JAK1: variants seen among roughly 807,000 people sequenced by gnomAD.
The protein encoded by JAK1 is Janus kinase 1, also known as tyrosine-protein kinase JAK1.
In JAK1, 16 loss-of-function variants were observed where a neutral mutation model predicts 136.6. The observed-to-expected ratio is 0.12, with a 90% CI of 0.08 to 0.18. The LOEUF is 0.18. Among genes scored for constraint, JAK1 ranks in the 10% least tolerant of loss-of-function variants. JAK1 has a pLI of 1.00. For missense variants in JAK1, 859 were observed against 1,450.1 expected (o/e 0.59, Z 6.62); for synonymous variants, 492 against 519.5 (o/e 0.95, Z 0.72).
At chr1:64,837,163 C>T (rs540884589) in intron 22 of JAK1, among the ~76,000 whole-genome samples, 5 of 152,316 alleles carry the variant, frequency 3.3e-5, no homozygotes, top group South Asian at 2.1e-4. Flanking sequence ...TGCTCCATGC[C>T]GTTGGCTGCC....
intron 2 of JAK1, among the ~76,000 whole-genome samples, chr1:65,029,369 G>C (rs577671982): frequency 6.6e-6 from 1 of 152,182 alleles, no homozygotes; most frequent in East Asian, 1.9e-4. Flanking sequence ...CAAAGTGCTG[G>C]GATTACAGGC....
intron 1 of JAK1, among the ~76,000 whole-genome samples, chr1:64,933,010 G>A (rs1463666427): frequency 6.6e-6 from 1 of 152,046 alleles, no homozygotes; most frequent in Non-Finnish European, 1.5e-5. Context: ...CAGAACCTCC[G>A]AGAAATCTCA....
At chr1:64,865,818 G>A (rs1426622341) in intron 7 of JAK1, among the ~76,000 whole-genome samples, 4 of 152,088 alleles carry the variant, frequency 2.6e-5, no homozygotes, top group African/African-American at 9.7e-5. Context: ...GGAGCACAGT[G>A]GCAAGGTCAT....
chr1:64,855,699 C>T lies in JAK1; in HGVS notation c.1459-1G>A. 2 of 1,610,928 alleles carry T rather than the reference C, an allele frequency of 1.2e-6. No individual in the cohort carries two copies. Among genetic ancestry groups the T allele is most frequent in the Non-Finnish European group, 1.7e-6 (2 of 1,177,582 alleles). On this transcript the variant is annotated splice_acceptor_variant, in intron 10 of 24. Coordinates refer to ENST00000342505, the MANE Select transcript of JAK1 (RefSeq NM_002227.4). LOFTEE classifies it high-confidence loss of function. ...ACTGCTTCTGGGCACCCTGCACCTG[C>T]TATTCGGGAAATGACCAGAAATTAC...
In JAK1 at chr1:64,932,494, T is replaced by C. The variant is rs113300831; in HGVS notation, c.-78+33839A>G. ...CCAAAGGTAATCTAGCTAATAAGTG[T>C]CGAGGTTGGGTTCAAACCTAACTCA... On this transcript the variant is annotated intron_variant, in intron 1 of 24. Coordinates refer to ENST00000342505, the MANE Select transcript of JAK1 (RefSeq NM_002227.4). Among the ~76,000 whole-genome samples, 15 of 152,306 alleles carry C rather than the reference T, an allele frequency of 9.8e-5. 1 individual carries two copies. The highest frequency in any genetic ancestry group is 3.4e-4 in the African/African-American group (14 of 41,568).
intron 1 of JAK1, among the ~76,000 whole-genome samples, chr1:64,927,735 G>A (rs1420397664): frequency 6.6e-6 from 1 of 152,144 alleles, no homozygotes; most frequent in African/African-American, 2.4e-5. Flanking sequence ...GATGAGTATC[G>A]ATCAACTCAA....
chr1:64,893,490 T>A (rs1200288787), intron 1 of JAK1, among the ~76,000 whole-genome samples: 1 of 152,216 alleles, frequency 6.6e-6, no homozygotes, highest in Admixed American at 6.5e-5. Context: ...AGATCCCAGC[T>A]CTAACACCCA....
chr1:64,871,840 T>C (rs1657090448), intron 5 of JAK1, among the ~76,000 whole-genome samples: 2 of 152,256 alleles, frequency 1.3e-5, no homozygotes, highest in South Asian at 2.1e-4. Flanking sequence ...GTTTCGAGTG[T>C]ACTCTTGGAC....
chr1:65,009,395 G>A (rs1646830893), intron 2 of JAK1, among the ~76,000 whole-genome samples: 1 of 152,148 alleles, frequency 6.6e-6, no homozygotes, highest in South Asian at 2.1e-4. Flanking sequence ...AGCAGGTGGG[G>A]GTGGAGGTAA....
intron 1 of JAK1, among the ~76,000 whole-genome samples, chr1:64,892,036 A>G (rs1460973027): frequency 6.6e-6 from 1 of 152,262 alleles, no homozygotes; most frequent in Admixed American, 6.5e-5. Context: ...GCTTAAAGTC[A>G]GTAAGTGTCT....
intron 2 of JAK1, chr1:64,973,185 G>GA (rs1477535990): frequency 9.3e-6 from 1 of 107,880 alleles, no homozygotes; most frequent in African/African-American, 4.5e-5. Flanking sequence ...AAGAAAGAAA[G>GA]AAAAAGAAAG....
At chr1:64,883,733 A>G (rs947669148) in intron 2 of JAK1, among the ~76,000 whole-genome samples, 2 of 152,118 alleles carry the variant, frequency 1.3e-5, no homozygotes, top group African/African-American at 4.8e-5. Context: ...TGGTCAGACC[A>G]TATTTTCAAA....
intron 1 of JAK1, among the ~76,000 whole-genome samples, chr1:65,047,414 C>T (rs1647194259): frequency 6.6e-6 from 1 of 152,068 alleles, no homozygotes; most frequent in South Asian, 2.1e-4. Flanking sequence ...AGGGACTTAT[C>T]TCATAACTAA....
intron 1 of JAK1, among the ~76,000 whole-genome samples, chr1:64,918,925 T>C (rs963945063): frequency 6.6e-5 from 10 of 152,226 alleles, no homozygotes; most frequent in Non-Finnish European, 1.5e-4. Context: ...AACTTTTTTT[T>C]CGAAGAAGAA....
At chr1:64,944,821 T>C (rs1645955036) in intron 1 of JAK1, among the ~76,000 whole-genome samples, 1 of 152,012 alleles carries the variant, frequency 6.6e-6, no homozygotes, top group South Asian at 2.1e-4. Context: ...ATTTTTGTCT[T>C]TTCTCTGGAT....
Position 64,886,258 on chromosome 1 carries a change from C to T in JAK1, c.6+1G>A. On this transcript the variant is annotated splice_donor_variant, in intron 2 of 24. Coordinates refer to ENST00000342505, the MANE Select transcript of JAK1 (RefSeq NM_002227.4). LOFTEE classifies it high-confidence loss of function. The stretch of plus-strand genomic sequence containing the variant: ...TTTTAAAAATATGCAAATCTACATA[C>T]CTGCATTTATTCAGCTGTCCAGTGT... 3 of 1,581,952 alleles carry T rather than the reference C, an allele frequency of 1.9e-6. No homozygotes were observed. The highest frequency in any genetic ancestry group is 2.6e-6 in the Non-Finnish European group (3 of 1,158,348).
Position 64,982,130 on chromosome 1 carries a change from A to G in JAK1, c.-78+62350T>C, listed in dbSNP as rs570023633. On this transcript the variant is annotated intron_variant, in intron 2 of 25. Transcript: ENST00000671954. ...CACACACACGCACACACACGCACACACACACACATACAACCAGGGAAGCAG... is the reference window on the plus strand; with the variant it reads ...CACACACACGCACACACACGCACACGCACACACATACAACCAGGGAAGCAG... Among the ~76,000 whole-genome samples, 473 of 152,042 alleles carry G rather than the reference A, an allele frequency of 3.1e-3. 3 individuals are homozygous for G. The highest frequency in any genetic ancestry group is 5.7e-3 in the Non-Finnish European group (385 of 67,986).
intron 23 of JAK1, among the ~76,000 whole-genome samples, chr1:64,835,807 G>A (rs2780890): frequency 0.56 from 84,891 of 151,798 alleles, 26,131 homozygotes; most frequent in African/African-American, 0.82. Context: ...TCCCTACCCA[G>A]TGCTACCCCA....
At position 64,927,870 on chromosome 1, in the gene JAK1, T is replaced by C. The variant is rs369551814; in HGVS notation, c.-78+38463A>G. On this transcript the variant is annotated intron_variant, in intron 1 of 24. Transcript: ENST00000342505. ...GCATATGGTTGGGCAGGTTGGGCACTGCCAAGAATGCCCAACTGAGGTAAG... is the reference window on the plus strand; with the variant it reads ...GCATATGGTTGGGCAGGTTGGGCACCGCCAAGAATGCCCAACTGAGGTAAG... Among the ~76,000 whole-genome samples, 261 of 152,328 alleles carry C rather than the reference T, an allele frequency of 1.7e-3. 1 individual carries two copies. The highest frequency in any genetic ancestry group is 3.2e-3 in the Non-Finnish European group (215 of 68,020).
Sources: allele counts gnomAD v4.1 joint callset (sites outside exome capture counted in the v4.1 genomes callset), GRCh38; gene constraint gnomAD v4.1.1; transcripts MANE v1.5; gene names NCBI Gene and HGNC (gene_info 2026-07-23, HGNC 2026-07-21).